C21orf91: variants seen among roughly 807,000 people sequenced by gnomAD.
C21orf91 encodes the protein protein EURL homolog.
Under a neutral mutation model 32.9 loss-of-function variants are expected in C21orf91, and 26 were observed. That is an observed-to-expected ratio of 0.79 (90% CI 0.58 to 1.10). The LOEUF is 1.10. C21orf91 is among the 50% of genes least tolerant of loss of function. C21orf91 has a pLI of 0.00. For missense variants in C21orf91, 310 were observed against 341.3 expected, an observed-to-expected ratio of 0.91 and a Z score of 0.72; for synonymous variants, 126 against 120.4, an observed-to-expected ratio of 1.05 and a Z score of -0.31.
chr21:17,793,327 C>T lies in C21orf91; in HGVS notation c.*88G>A, dbSNP rs941341702. The T allele has an allele frequency of 7.9e-6, 8 of 1,016,452 alleles. No individual in the cohort carries two copies. Among genetic ancestry groups the T allele is most frequent in the East Asian group, 7.8e-5 (3 of 38,256 alleles). The allele number at this position is 1,016,452 out of a possible 1,614,324, so 63.0% of individuals were successfully genotyped here. A position where few individuals can be genotyped will look rare whatever the true frequency, so the allele number is the denominator to read the frequency against. ...GGCAAATTTAATGACCATAAAAAAA[C>T]GGACCACAACTTTCTTCAAACTTCT... On this transcript the variant is annotated 3_prime_UTR_variant, in exon 5 of 5. Transcript: ENST00000284881.
chr21:17,792,722 G>A lies in C21orf91; in HGVS notation c.*693C>T, dbSNP rs1380708754. 2 of 152,388 alleles carry A rather than the reference G, an allele frequency of 1.3e-5. No homozygotes were observed. The highest frequency in any genetic ancestry group is 2.9e-5 in the Non-Finnish European group (2 of 67,956). The allele number at this position is 152,388 out of a possible 1,614,324, so 9.4% of individuals were successfully genotyped here. ...TGCTTTTGTTAGAAAACAAAATAATGTATTGTATTTACCTGAATACTGCTT... is the reference window on the plus strand; with the variant it reads ...TGCTTTTGTTAGAAAACAAAATAATATATTGTATTTACCTGAATACTGCTT... On this transcript the variant is annotated 3_prime_UTR_variant, in exon 5 of 5. Coordinates refer to ENST00000284881, the MANE Select transcript of C21orf91 (RefSeq NM_001100420.2).
chr21:17,789,396 CACTT>C lies in C21orf91; in HGVS notation c.*4015_*4018del, dbSNP rs1426749913. On this transcript the variant is annotated 3_prime_UTR_variant, in exon 5 of 5. Transcript: ENST00000284881. ...GCGTCTGAAAGAAACAAGGTACACA[CACTT>C]ACTAAAATTCCCCTTTGCTTTAGGT... 1 of 152,138 alleles carries C rather than the reference CACTT, an allele frequency of 6.6e-6. No individual in the cohort carries two copies. Among genetic ancestry groups the C allele is most frequent in the Non-Finnish European group, 1.5e-5 (1 of 68,006 alleles). 9.4% of individuals were successfully genotyped at this position (152,138 alleles called of 1,614,324 possible).
At chr21:17,807,738 G>C (rs555506327) in intron 2 of C21orf91, among the ~76,000 whole-genome samples, 1 of 152,282 alleles carries the variant, frequency 6.6e-6, no homozygotes, top group East Asian at 1.9e-4. Context: ...TTACCAAAGA[G>C]ACTGGTGGCA....
In C21orf91 at chr21:17,808,399, G is replaced by A. The variant is rs1219074890; in HGVS notation, c.127+9793C>T. On this transcript the variant is annotated intron_variant, in intron 2 of 4. Coordinates refer to ENST00000284881, the MANE Select transcript of C21orf91 (RefSeq NM_001100420.2). ...GTCCAGGCAGAAGTCTGCTGCAGGG[G>A]TGGAGCCCTCATGGAGACCATCTAC... Among the ~76,000 whole-genome samples the A allele has an allele frequency of 6.6e-5, 10 of 152,228 alleles. No individual in the cohort carries two copies. In the East Asian group the frequency reaches 1.9e-3, roughly 29 times the overall value.
At chr21:17,812,121 A>G (rs931587367) in intron 2 of C21orf91, among the ~76,000 whole-genome samples, 2 of 152,200 alleles carry the variant, frequency 1.3e-5, no homozygotes, top group Non-Finnish European at 2.9e-5. Flanking sequence ...TAGTTAAATC[A>G]CAAGTCTTTA....
chr21:17,806,542 GAATT>G (rs2062595375), intron 2 of C21orf91, among the ~76,000 whole-genome samples: 1 of 151,848 alleles, frequency 6.6e-6, no homozygotes, highest in Non-Finnish European at 1.5e-5. Context: ...GTAAATAGAT[GAATT>G]AAGAGGGGGA....
chr21:17,800,125 A>G (rs2062548759), intron 2 of C21orf91, among the ~76,000 whole-genome samples: 1 of 149,782 alleles, frequency 6.7e-6, no homozygotes, highest in East Asian at 1.9e-4. Flanking sequence ...ATATTTTTAA[A>G]TAGAAATTTA....
Position 17,818,242 on chromosome 21 carries a change from T to C in C21orf91, c.77A>G (p.Asp26Gly), listed in dbSNP as rs1312954598. Residue 26 changes from aspartate to glycine, a missense_variant, in exon 2 of 5, where the codon GAC becomes GGC. Coordinates refer to ENST00000284881, the MANE Select transcript of C21orf91 (RefSeq NM_001100420.2). ...NICSVCKLGT[D>G]KETLSFCHIC... ...GTGGCAGAAGGAGAGTGTTTCTTTGTCTGTTCCCAGTTTACAAACACTGCA... is the reference window on the plus strand; with the variant it reads ...GTGGCAGAAGGAGAGTGTTTCTTTGCCTGTTCCCAGTTTACAAACACTGCA... The C allele has an allele frequency of 6.2e-7, 1 of 1,610,910 alleles. No individual in the cohort carries two copies. The highest frequency in any genetic ancestry group is 1.3e-5 in the African/African-American group (1 of 74,994).
chr21:17,803,395 C>CTG (rs2062575047), intron 2 of C21orf91, among the ~76,000 whole-genome samples: 1 of 152,106 alleles, frequency 6.6e-6, no homozygotes, highest in Non-Finnish European at 1.5e-5. Context: ...GTGCATGCAC[C>CTG]TGTAGTCCCA....
intron 2 of C21orf91, among the ~76,000 whole-genome samples, chr21:17,801,719 A>G (rs2062562923): frequency 6.6e-6 from 1 of 152,000 alleles, no homozygotes. Context: ...GGGGAGGGAT[A>G]ACATTAGGAG....
intron 2 of C21orf91, among the ~76,000 whole-genome samples, chr21:17,807,627 A>G (rs1003076344): frequency 6.6e-6 from 1 of 152,230 alleles, no homozygotes; most frequent in African/African-American, 2.4e-5. Context: ...TGTGCCTAAA[A>G]TGCTGACAGT....
intron 2 of C21orf91, among the ~76,000 whole-genome samples, chr21:17,799,817 G>A (rs1308268678): frequency 6.6e-6 from 1 of 152,082 alleles, no homozygotes; most frequent in Non-Finnish European, 1.5e-5. Flanking sequence ...CACATAGTGG[G>A]TACTCAAAAG....
intron 2 of C21orf91, among the ~76,000 whole-genome samples, chr21:17,797,645 GATTT>G (rs945713773): frequency 2.0e-5 from 3 of 148,560 alleles, no homozygotes; most frequent in African/African-American, 7.4e-5. Context: ...AAACTATTTA[GATTT>G]ATTTTTAAAG....
intron 2 of C21orf91, among the ~76,000 whole-genome samples, chr21:17,798,931 T>C (rs1446552378): frequency 1.3e-5 from 2 of 152,196 alleles, no homozygotes; most frequent in Admixed American, 6.5e-5. Flanking sequence ...GCTTGCCTAT[T>C]ACTAACTGAA....
In C21orf91 at chr21:17,792,098, CTCA is replaced by C. The variant is rs1404175007; in HGVS notation, c.*1314_*1316del. 1 of 152,054 alleles carries C rather than the reference CTCA, an allele frequency of 6.6e-6. No homozygotes were observed. Among genetic ancestry groups the C allele is most frequent in the African/African-American group, 2.4e-5 (1 of 41,404 alleles). The allele number at this position is 152,054 out of a possible 1,614,324, so 9.4% of individuals were successfully genotyped here. On this transcript the variant is annotated 3_prime_UTR_variant, in exon 5 of 5. Coordinates refer to ENST00000284881, the MANE Select transcript of C21orf91 (RefSeq NM_001100420.2). ...CAGATACTTTCAAGCAAGGATCTAC[CTCA>C]TAAGTACATTCTAAACATGAGTTAA...
chr21:17,801,276 T>G (rs2062557910), intron 2 of C21orf91, among the ~76,000 whole-genome samples: 2 of 146,608 alleles, frequency 1.4e-5, no homozygotes. Flanking sequence ...CACCGTATGT[T>G]TTTTTTTTTT....
At chr21:17,812,264 C>T (rs770416979) in intron 2 of C21orf91, among the ~76,000 whole-genome samples, 17 of 151,996 alleles carry the variant, frequency 1.1e-4, no homozygotes, top group Admixed American at 2.0e-4. Flanking sequence ...CTACCAGAGC[C>T]ATTTTTAAAG....
rs1003524993 is a variant in C21orf91, at chr21:17,789,123, C to T, written c.*4292G>A. 1.1e-4 allele frequency: 16 copies of T among 151,934 alleles called. No individual in the cohort carries two copies. The highest frequency in any genetic ancestry group is 3.1e-4 in the African/African-American group (13 of 41,350). The allele number at this position is 151,934 out of a possible 1,614,324, so 9.4% of individuals were successfully genotyped here. ...TAATTGCCTACTTTTTTGAAACAAA[C>T]TTGGTTTTTACCACAGCAGTTTCAT... is the stretch of plus-strand genomic sequence containing the variant. On this transcript the variant is annotated 3_prime_UTR_variant, in exon 5 of 5. Transcript: ENST00000284881.
At chr21:17,794,632 A>C (rs1342438206) in intron 4 of C21orf91, among the ~76,000 whole-genome samples, 1 of 152,166 alleles carries the variant, frequency 6.6e-6, no homozygotes, top group Non-Finnish European at 1.5e-5. Flanking sequence ...ATATGTTTGA[A>C]ATTGTTTATA....
Sources: gnomAD v4.1 joint callset for allele counts (sites outside exome capture counted in the v4.1 genomes callset) on GRCh38, gnomAD v4.1.1 for gene constraint, MANE v1.5 for transcripts, NCBI Gene and HGNC (gene_info 2026-07-23, HGNC 2026-07-21) for gene names.